The following TAFA2 variants were observed in gnomAD, a reference collection of about 807,000 sequenced individuals.
TAFA2 encodes chemokine-like protein TAFA-2.
Under a neutral mutation model 18.8 loss-of-function variants are expected in TAFA2, and 7 were observed. The observed-to-expected ratio is 0.37, with a 90% CI of 0.21 to 0.70. The LOEUF (loss-of-function observed/expected upper bound fraction) is 0.70, where lower values mean the gene tolerates loss of function less well. Among genes scored for constraint, TAFA2 ranks in the 30% least tolerant of loss-of-function variants. The pLI, the probability that TAFA2 is intolerant of heterozygous loss-of-function variation, is 0.53. For missense variants in TAFA2, 122 were observed against 158.1 expected, an observed-to-expected ratio of 0.77 and a Z score of 1.23; for synonymous variants, 60 against 54.2, an observed-to-expected ratio of 1.11 and a Z score of -0.47.
At chr12:61,857,745 T>C (rs1362574982) in intron 2 of TAFA2, among the ~76,000 whole-genome samples, 1 of 152,038 alleles carries the variant, frequency 6.6e-6, no homozygotes, top group East Asian at 1.9e-4. Context: ...CAGACCCTCA[T>C]AGTCTGAAGG....
chr12:61,865,355 A>G (rs1874309325), intron 2 of TAFA2, among the ~76,000 whole-genome samples: 1 of 152,192 alleles, frequency 6.6e-6, no homozygotes, highest in Admixed American at 6.5e-5. Flanking sequence ...TTATTATTTT[A>G]TGTGTAAAAT....
chr12:61,830,913 C>T (rs1872699053), intron 2 of TAFA2, among the ~76,000 whole-genome samples: 1 of 151,758 alleles, frequency 6.6e-6, no homozygotes, highest in Non-Finnish European at 1.5e-5. Context: ...GAAACTTTAC[C>T]AAACATATCA....
chr12:61,887,016 A>T (rs1875412807), intron 1 of TAFA2, among the ~76,000 whole-genome samples: 1 of 152,230 alleles, frequency 6.6e-6, no homozygotes, highest in South Asian at 2.1e-4. Context: ...TTGAGGATGA[A>T]ATGTGTTAAA....
intron 4 of TAFA2, among the ~76,000 whole-genome samples, chr12:61,724,669 G>A (rs1231000676): frequency 4.6e-5 from 7 of 151,614 alleles, no homozygotes; most frequent in African/African-American, 7.3e-5. Flanking sequence ...ACTTCACTTA[G>A]AATAATGGCC....
intron 1 of TAFA2, among the ~76,000 whole-genome samples, chr12:61,947,428 G>T (rs1016537618): frequency 6.6e-6 from 1 of 151,224 alleles, no homozygotes; most frequent in Admixed American, 6.6e-5. Flanking sequence ...TGCACAATGT[G>T]CACATGTACC....
intron 1 of TAFA2, among the ~76,000 whole-genome samples, chr12:62,221,927 A>T (rs1268215119): frequency 6.6e-6 from 1 of 152,214 alleles, no homozygotes; most frequent in Non-Finnish European, 1.5e-5. Flanking sequence ...TTAACACGCA[A>T]CTACAAAGTG....
At chr12:62,202,828 T>TTC in intron 1 of TAFA2, among the ~76,000 whole-genome samples, 1 of 138,536 alleles carries the variant, frequency 7.2e-6, no homozygotes, top group East Asian at 2.1e-4. Flanking sequence ...GTTCTTTTTT[T>TTC]TTTTTTTTTT....
chr12:62,047,892 G>A (rs1330685170), intron 1 of TAFA2, among the ~76,000 whole-genome samples: 2 of 152,104 alleles, frequency 1.3e-5, no homozygotes, highest in Admixed American at 6.6e-5. Flanking sequence ...CTCTTCACAA[G>A]TTCTAGATGT....
In TAFA2 at chr12:62,208,105, T is replaced by C. The variant is rs143778628; in HGVS notation, c.-130+50658A>G. ...GAGTCCATGGGAAAATCTAACCTTTTTATCTAGTAGTTTGAGGTAAAATTT... is the reference window on the plus strand; with the variant it reads ...GAGTCCATGGGAAAATCTAACCTTTCTATCTAGTAGTTTGAGGTAAAATTT... On this transcript the variant is annotated intron_variant, in intron 1 of 5. Coordinates refer to the TAFA2 transcript ENST00000551619. Among the ~76,000 whole-genome samples, 169 of 152,248 alleles carry C rather than the reference T, an allele frequency of 1.1e-3. 1 individual carries two copies. In the East Asian group the frequency reaches 0.019, roughly 17 times the overall value.
intron 1 of TAFA2, among the ~76,000 whole-genome samples, chr12:62,134,210 T>A (rs1870803947): frequency 6.6e-6 from 1 of 151,882 alleles, no homozygotes; most frequent in Non-Finnish European, 1.5e-5. Flanking sequence ...GCTATCACAA[T>A]ACTGTTGATA....
chr12:61,843,105 T>C (rs1350710243), intron 2 of TAFA2, among the ~76,000 whole-genome samples: 1 of 152,024 alleles, frequency 6.6e-6, no homozygotes, highest in African/African-American at 2.4e-5. Flanking sequence ...TCAGTAGGCC[T>C]TTAGGCAGGA....
intron 1 of TAFA2, among the ~76,000 whole-genome samples, chr12:62,190,452 T>A (rs1245664): frequency 0.34 from 51,621 of 152,056 alleles, 9,624 homozygotes; most frequent in South Asian, 0.46. Context: ...GGCAAAGCAG[T>A]TAGCAGAAAA....
intron 1 of TAFA2, among the ~76,000 whole-genome samples, chr12:61,979,177 A>G (rs11174265): frequency 0.32 from 48,808 of 152,012 alleles, 9,873 homozygotes; most frequent in Non-Finnish European, 0.45. Flanking sequence ...AACTCCCCCA[A>G]ATACTACAGT....
At chr12:62,226,504 C>G (rs2062787487) in intron 1 of TAFA2, among the ~76,000 whole-genome samples, 1 of 152,076 alleles carries the variant, frequency 6.6e-6, no homozygotes, top group Non-Finnish European at 1.5e-5. Context: ...GCCTTGATTA[C>G]TCTTTTAAGC....
chr12:62,105,741 C>T (rs1869418610), intron 1 of TAFA2, among the ~76,000 whole-genome samples: 1 of 152,156 alleles, frequency 6.6e-6, no homozygotes, highest in Non-Finnish European at 1.5e-5. Flanking sequence ...TCTGATAAAG[C>T]ACCATCTAAT....
chr12:61,826,757 G>C (rs1331861575), intron 2 of TAFA2, among the ~76,000 whole-genome samples: 1 of 149,192 alleles, frequency 6.7e-6, no homozygotes, highest in African/African-American at 2.5e-5. Context: ...TCTGAACTCT[G>C]TCTCTCTCTC....
chr12:61,895,847 A>G (rs533505178), intron 1 of TAFA2, among the ~76,000 whole-genome samples: 31 of 152,286 alleles, frequency 2.0e-4, no homozygotes, highest in Admixed American at 1.5e-3. Context: ...CCTAGTAAGA[A>G]GTAAAATATA....
At chr12:61,878,561 G>A (rs1874968572) in intron 1 of TAFA2, among the ~76,000 whole-genome samples, 1 of 152,060 alleles carries the variant, frequency 6.6e-6, no homozygotes, top group Non-Finnish European at 1.5e-5. Context: ...CAGCATTTAT[G>A]TTTCTTATCA....
chr12:61,948,134 A>C (rs1172070962), intron 1 of TAFA2, among the ~76,000 whole-genome samples: 1 of 152,162 alleles, frequency 6.6e-6, no homozygotes, highest in East Asian at 1.9e-4. Flanking sequence ...AAAACTTAAT[A>C]ATTATTGAGC....
Sources: gnomAD v4.1 joint callset for allele counts (sites outside exome capture counted in the v4.1 genomes callset) on GRCh38, gnomAD v4.1.1 for gene constraint, MANE v1.5 for transcripts, NCBI Gene and HGNC (gene_info 2026-07-23, HGNC 2026-07-21) for gene names.